Variants in NAALADL2 observed in about 807,000 individuals in gnomAD.
NAALADL2 encodes inactive N-acetylated-alpha-linked acidic dipeptidase-like protein 2.
A neutral mutation model predicts 87.2 loss-of-function variants in NAALADL2; 76 were observed. The ratio of observed to expected loss-of-function variants is 0.87; its 90% CI spans 0.72 to 1.05. The LOEUF is 1.05. Among genes scored for constraint, NAALADL2 ranks in the 50% least tolerant of loss-of-function variants. The pLI is 0.00. For missense variants in NAALADL2, 1,089 were observed against 945.8 expected (o/e 1.15, Z -1.99); for synonymous variants, 354 against 331.0 (o/e 1.07, Z -0.75).
intron 1 of NAALADL2, among the ~76,000 whole-genome samples, chr3:174,862,949 G>A (rs1726682568): frequency 1.3e-5 from 2 of 152,080 alleles, no homozygotes; most frequent in Admixed American, 1.3e-4. Context: ...CAAGTACAGA[G>A]GAGTTGGCTG....
chr3:175,006,470 T>C (rs1749037276), intron 1 of NAALADL2, among the ~76,000 whole-genome samples: 1 of 152,178 alleles, frequency 6.6e-6, no homozygotes, highest in Admixed American at 6.6e-5. Context: ...AAGTTACCTG[T>C]GTGTCTTTCT....
At chr3:175,484,513 A>T (rs1389982702) in intron 9 of NAALADL2, among the ~76,000 whole-genome samples, 2 of 152,158 alleles carry the variant, frequency 1.3e-5, no homozygotes, top group Non-Finnish European at 2.9e-5. Flanking sequence ...AACATAAGTC[A>T]ACTCACTTTC....
At chr3:175,013,264 T>TA (rs1187188944) in intron 1 of NAALADL2, among the ~76,000 whole-genome samples, 3 of 102,396 alleles carry the variant, frequency 2.9e-5, no homozygotes, top group East Asian at 5.4e-4. Context: ...TATACATATA[T>TA]TTTTATATAT....
intron 4 of NAALADL2, among the ~76,000 whole-genome samples, chr3:175,291,652 C>T (rs976564621): frequency 6.6e-6 from 1 of 151,998 alleles, no homozygotes; most frequent in East Asian, 1.9e-4. Flanking sequence ...GGAAATGTAA[C>T]ATATAAGAGC....
intron 10 of NAALADL2, among the ~76,000 whole-genome samples, chr3:175,613,929 C>T (rs1724998625): frequency 6.6e-6 from 1 of 152,144 alleles, no homozygotes; most frequent in Non-Finnish European, 1.5e-5. Context: ...ATATATCCAT[C>T]TATAGATATT....
chr3:175,697,246 G>A (rs950184160), intron 11 of NAALADL2, among the ~76,000 whole-genome samples: 1 of 152,016 alleles, frequency 6.6e-6, no homozygotes, highest in Non-Finnish European at 1.5e-5. Flanking sequence ...GAATATAGGA[G>A]CAGTAGAATA....
At chr3:175,024,415 A>G (rs1419690333) in intron 1 of NAALADL2, among the ~76,000 whole-genome samples, 1 of 152,116 alleles carries the variant, frequency 6.6e-6, no homozygotes. Flanking sequence ...GAAATGCAAA[A>G]AGGGCAAAGC....
intron 6 of NAALADL2, among the ~76,000 whole-genome samples, chr3:175,449,395 T>TTC (rs34314508): frequency 0.7 from 72,603 of 103,374 alleles, 24,361 homozygotes; most frequent in East Asian, 0.78. Context: ...AATTTTCTTC[T>TTC]TTTTTTTTTT....
chr3:174,864,539 A>T (rs1726902018), intron 1 of NAALADL2, among the ~76,000 whole-genome samples: 1 of 152,108 alleles, frequency 6.6e-6, no homozygotes, highest in South Asian at 2.1e-4. Context: ...AGTCACTGTA[A>T]AATCTTCTTG....
At position 175,586,184 on chromosome 3, in the gene NAALADL2, C is replaced by T. The variant is rs535962390; in HGVS notation, c.1800+9997C>T. Among the ~76,000 whole-genome samples the T allele has an allele frequency of 2.0e-5, 3 of 152,102 alleles. No homozygotes were observed. The East Asian group carries it at 5.8e-4, about 29-fold the overall frequency. Reference sequence around the variant, plus strand: ...TATTTACATCGGGAATGGCAGGTTTCTATGTCTAGTTCACAGCTTGTATAC... The same window carrying T: ...TATTTACATCGGGAATGGCAGGTTTTTATGTCTAGTTCACAGCTTGTATAC... On this transcript the variant is annotated intron_variant, in intron 10 of 13. Coordinates refer to ENST00000454872, the MANE Select transcript of NAALADL2 (RefSeq NM_207015.3).
intron 10 of NAALADL2, among the ~76,000 whole-genome samples, chr3:175,595,672 C>T (rs772218398): frequency 2.0e-5 from 3 of 151,806 alleles, no homozygotes; most frequent in African/African-American, 4.8e-5. Flanking sequence ...CCTGGGACTA[C>T]AGCTGCCCAA....
chr3:174,579,480 A>C (rs1715918406), intron 2 of NAALADL2, among the ~76,000 whole-genome samples: 1 of 152,066 alleles, frequency 6.6e-6, no homozygotes, highest in African/African-American at 2.4e-5. Context: ...GTCTACTTCC[A>C]TTTATTTGAA....
intron 13 of NAALADL2, among the ~76,000 whole-genome samples, chr3:175,763,280 C>G (rs1748280071): frequency 6.6e-6 from 1 of 152,012 alleles, no homozygotes; most frequent in African/African-American, 2.4e-5. Context: ...TATGTTTTAA[C>G]TTTTGACATT....
chr3:175,484,234 A>G (rs573280070), intron 9 of NAALADL2, among the ~76,000 whole-genome samples: 68 of 152,240 alleles, frequency 4.5e-4, no homozygotes, highest in South Asian at 3.7e-3. Flanking sequence ...TAATATATAC[A>G]TATTTGTTAA....
intron 1 of NAALADL2, among the ~76,000 whole-genome samples, chr3:174,448,822 G>A (rs1315419619): frequency 6.6e-6 from 1 of 152,104 alleles, no homozygotes; most frequent in Admixed American, 6.6e-5. Context: ...TGAGAGGTCT[G>A]GTGTCTTATT....
intron 9 of NAALADL2, among the ~76,000 whole-genome samples, chr3:175,503,317 T>A (rs1015136510): frequency 2.0e-5 from 3 of 152,278 alleles, no homozygotes; most frequent in East Asian, 3.9e-4. Flanking sequence ...CTTTTCTTTA[T>A]CCAGTCTACC....
chr3:174,964,981 A>G (rs1001194589), intron 1 of NAALADL2, among the ~76,000 whole-genome samples: 1 of 152,048 alleles, frequency 6.6e-6, no homozygotes, highest in Non-Finnish European at 1.5e-5. Context: ...GTATTGCTAC[A>G]TCAAAAAAAA....
At chr3:175,758,996 G>A (rs530586255) in intron 13 of NAALADL2, among the ~76,000 whole-genome samples, 16 of 151,926 alleles carry the variant, frequency 1.1e-4, no homozygotes, top group African/African-American at 2.7e-4. Context: ...AAAAAATATC[G>A]TCTCAATAAA....
chr3:175,462,314 A>C (rs1314610670), intron 6 of NAALADL2, among the ~76,000 whole-genome samples: 1 of 152,068 alleles, frequency 6.6e-6, no homozygotes, highest in Non-Finnish European at 1.5e-5. Context: ...CAATGCTCAG[A>C]CTCTACGTAG....
Sources: allele counts gnomAD v4.1 joint callset (sites outside exome capture counted in the v4.1 genomes callset), GRCh38; gene constraint gnomAD v4.1.1; transcripts MANE v1.5; gene names NCBI Gene and HGNC (gene_info 2026-07-23, HGNC 2026-07-21).